The following DENND1A variants were observed in gnomAD, a reference collection of about 807,000 sequenced individuals.
The protein encoded by DENND1A is DENN domain containing 1A.
In DENND1A, 51 loss-of-function variants were observed where a neutral mutation model predicts 113.7. That is an observed-to-expected ratio of 0.45 (90% confidence interval 0.36 to 0.57). DENND1A has a LOEUF of 0.57. DENND1A is among the 20% of genes least tolerant of loss of function. The probability of loss-of-function intolerance (pLI) is 0.00; values close to 1 mark genes in which losing one functional copy is unlikely to be tolerated. For synonymous variants in DENND1A, 565 were observed against 570.8 expected (o/e 0.99, Z 0.14); for missense variants, 1,258 against 1,395.9 (o/e 0.90, Z 1.57).
At chr9:123,651,690 A>C (rs1247766191) in intron 9 of DENND1A, among the ~76,000 whole-genome samples, 1 of 152,282 alleles carries the variant, frequency 6.6e-6, no homozygotes, top group East Asian at 1.9e-4. Flanking sequence ...AGAAGGATTT[A>C]GTAAATAATG....
Position 123,442,402 on chromosome 9 carries a change from G to A in DENND1A, c.1357-1911C>T, listed in dbSNP as rs142954850. On this transcript the variant is annotated intron_variant, in intron 18 of 23. Coordinates refer to ENST00000394215, the MANE Select transcript of DENND1A (RefSeq NM_001352964.2). Reference sequence around the variant, plus strand: ...TTTTGGAAAGGGGCTGTCCAAAGGTGCTCAGGTCAAGTGGAAAAAGATGGG... The same window carrying A: ...TTTTGGAAAGGGGCTGTCCAAAGGTACTCAGGTCAAGTGGAAAAAGATGGG... Among the ~76,000 whole-genome samples, 899 of 152,278 alleles carry A rather than the reference G, an allele frequency of 5.9e-3. 3 individuals carry two copies. The highest frequency in any genetic ancestry group is 0.02 in the Middle Eastern group (6 of 294).
rs886111639 is a variant in DENND1A at position 123,855,979 on chromosome 9, T to C, written c.88+22972A>G. ...TTGAACCCGGGAGGCGGAGGTTGCATTGAGCCGAGATCGCGCCATTGCACT... is the reference window on the plus strand; with the variant it reads ...TTGAACCCGGGAGGCGGAGGTTGCACTGAGCCGAGATCGCGCCATTGCACT... On this transcript the variant is annotated intron_variant, in intron 2 of 23. Transcript: ENST00000394215. Among the ~76,000 whole-genome samples, 7 of 152,054 alleles carry C rather than the reference T, an allele frequency of 4.6e-5. No homozygotes were observed. The East Asian group carries it at 5.8e-4, about 13-fold the overall frequency.
intron 1 of DENND1A, among the ~76,000 whole-genome samples, chr9:123,900,175 C>A (rs564173079): frequency 1.3e-5 from 2 of 152,316 alleles, no homozygotes; most frequent in Non-Finnish European, 2.9e-5. Flanking sequence ...TTATCTGGAA[C>A]CATCACAAAT....
intron 21 of DENND1A, among the ~76,000 whole-genome samples, chr9:123,395,978 G>GGTGTGT (rs147013216): frequency 4.7e-5 from 7 of 149,928 alleles, no homozygotes; most frequent in Non-Finnish European, 8.9e-5. Context: ...TGGTGTGCCT[G>GGTGTGT]GTGTGTGTGT....
At chr9:123,653,809 G>A (rs982457295) in intron 8 of DENND1A, among the ~76,000 whole-genome samples, 2 of 151,848 alleles carry the variant, frequency 1.3e-5, no homozygotes, top group African/African-American at 2.4e-5. Flanking sequence ...ATCTGTATGT[G>A]GCAGGCAACA....
intron 8 of DENND1A, among the ~76,000 whole-genome samples, chr9:123,660,265 T>C (rs1351287969): frequency 6.6e-6 from 1 of 152,222 alleles, no homozygotes; most frequent in African/African-American, 2.4e-5. Flanking sequence ...ATCACCATTC[T>C]GCTTAGAAAC....
At chr9:123,890,188 A>G (rs113947413) in intron 1 of DENND1A, among the ~76,000 whole-genome samples, 4 of 152,164 alleles carry the variant, frequency 2.6e-5, no homozygotes, top group Non-Finnish European at 4.4e-5. Flanking sequence ...TAGAACTCCA[A>G]CTGAACCCTG....
chr9:123,526,478 C>A (rs2054855497), intron 13 of DENND1A, among the ~76,000 whole-genome samples: 1 of 152,204 alleles, frequency 6.6e-6, no homozygotes, highest in African/African-American at 2.4e-5. Flanking sequence ...ACTCCCATGT[C>A]TTCCCTCAGC....
At chr9:123,901,669 A>C (rs984533466) in intron 1 of DENND1A, among the ~76,000 whole-genome samples, 1 of 152,142 alleles carries the variant, frequency 6.6e-6, no homozygotes, top group African/African-American at 2.4e-5. Context: ...GGTTGTGAAG[A>C]CCTTCTAATC....
intron 1 of DENND1A, among the ~76,000 whole-genome samples, chr9:123,924,195 T>C (rs1261828968): frequency 2.6e-5 from 4 of 152,190 alleles, no homozygotes; most frequent in Admixed American, 2.6e-4. Flanking sequence ...TTTATTAATA[T>C]ATGAAATGCC....
At chr9:123,624,033 G>A (rs2138342791) in intron 10 of DENND1A, among the ~76,000 whole-genome samples, 1 of 152,356 alleles carries the variant, frequency 6.6e-6, no homozygotes, top group East Asian at 1.9e-4. Context: ...CACTTGTGAA[G>A]TCTATTATGC....
intron 1 of DENND1A, among the ~76,000 whole-genome samples, chr9:123,904,619 C>A (rs1395610071): frequency 6.7e-6 from 1 of 149,212 alleles, no homozygotes; most frequent in Non-Finnish European, 1.5e-5. Flanking sequence ...AGGGTATCAG[C>A]AATGGAAGAT....
chr9:123,523,477 A>G (rs531193518), intron 13 of DENND1A, among the ~76,000 whole-genome samples: 1 of 152,354 alleles, frequency 6.6e-6, no homozygotes, highest in Admixed American at 6.5e-5. Context: ...CATCCCAATT[A>G]AGGAACCTGT....
intron 2 of DENND1A, among the ~76,000 whole-genome samples, chr9:123,870,356 ACCTCCC>A (rs1846380901): frequency 7.6e-6 from 1 of 132,336 alleles, no homozygotes; most frequent in East Asian, 2.1e-4. Flanking sequence ...TGCAACCTCC[ACCTCCC>A]AGGTTCAAGC....
At chr9:123,609,160 G>A (rs189766150) in intron 11 of DENND1A, among the ~76,000 whole-genome samples, 8 of 152,146 alleles carry the variant, frequency 5.3e-5, no homozygotes, top group Admixed American at 2.0e-4. Context: ...CCCTTCCCTC[G>A]TTCAAACCCT....
intron 2 of DENND1A, among the ~76,000 whole-genome samples, chr9:123,841,061 C>T (rs900518494): frequency 8.5e-5 from 13 of 152,184 alleles, no homozygotes; most frequent in South Asian, 8.3e-4. Context: ...TAAATATATA[C>T]GAGAGTTTGA....
chr9:123,470,801 GATTA>G (rs558409160), intron 13 of DENND1A, among the ~76,000 whole-genome samples: 9 of 152,182 alleles, frequency 5.9e-5, no homozygotes, highest in Non-Finnish European at 1.2e-4. Flanking sequence ...CTGTCCACAT[GATTA>G]ATTGTCAGAA....
chr9:123,790,684 C>T (rs940192708), intron 3 of DENND1A, among the ~76,000 whole-genome samples: 4 of 152,020 alleles, frequency 2.6e-5, no homozygotes, highest in African/African-American at 4.8e-5. Flanking sequence ...AAGAGAATTA[C>T]GTTCATAAGA....
At chr9:123,663,778 T>G (rs531821333) in intron 8 of DENND1A, among the ~76,000 whole-genome samples, 2 of 152,136 alleles carry the variant, frequency 1.3e-5, no homozygotes, top group East Asian at 3.9e-4. Context: ...CGTACATTGT[T>G]ACAAGAAAAA....
Sources: allele counts gnomAD v4.1 joint callset (sites outside exome capture counted in the v4.1 genomes callset), GRCh38; gene constraint gnomAD v4.1.1; transcripts MANE v1.5; gene names NCBI Gene and HGNC (gene_info 2026-07-23, HGNC 2026-07-21).